Variants in ANKRD45 observed in about 807,000 individuals in gnomAD.
ANKRD45 encodes the protein ankyrin repeat domain-containing protein 45.
In ANKRD45, 21 loss-of-function variants were observed where a neutral mutation model predicts 28.1. The ratio of observed to expected loss-of-function variants is 0.75; its 90% CI spans 0.53 to 1.08. The LOEUF is 1.08. ANKRD45 is among the 50% of genes least tolerant of loss of function. The pLI, the probability that ANKRD45 is intolerant of heterozygous loss-of-function variation, is 0.00. For synonymous variants in ANKRD45, 86 were observed against 103.9 expected (o/e 0.83, Z 1.05); for missense variants, 261 against 308.7 (o/e 0.85, Z 1.16).
intron 1 of ANKRD45, among the ~76,000 whole-genome samples, chr1:173,660,580 G>A (rs564257013): frequency 1.3e-5 from 2 of 152,188 alleles, no homozygotes; most frequent in African/African-American, 4.8e-5. Flanking sequence ...CAATAATGAG[G>A]GGATGTAAAT....
the ANKRD45 span, among the ~76,000 whole-genome samples, chr1:173,676,579 C>CA: frequency 6.6e-6 from 1 of 151,932 alleles, no homozygotes; most frequent in Non-Finnish European, 1.5e-5. Flanking sequence ...CAGAAACCTG[C>CA]ATTCAAGGGC....
At chr1:173,686,423 C>T in the ANKRD45 span, among the ~76,000 whole-genome samples, 1 of 152,118 alleles carries the variant, frequency 6.6e-6, no homozygotes, top group South Asian at 2.1e-4. Context: ...ATGAGTCCAT[C>T]CCCTTCCTGC....
At chr1:173,690,061 C>T in the ANKRD45 span, among the ~76,000 whole-genome samples, 4 of 75,010 alleles carry the variant, frequency 5.3e-5, 1 homozygote, top group Non-Finnish European at 1.0e-4. Flanking sequence ...GCCTGCCCCC[C>T]GCCCCCCCCC....
At chr1:173,678,067 G>A in the ANKRD45 span, among the ~76,000 whole-genome samples, 1 of 151,966 alleles carries the variant, frequency 6.6e-6, no homozygotes, top group South Asian at 2.1e-4. Context: ...TTTAAAGGGG[G>A]AGAAAAAAAC....
the ANKRD45 span, among the ~76,000 whole-genome samples, chr1:173,678,857 G>A: frequency 3.3e-5 from 5 of 152,154 alleles, no homozygotes; most frequent in Non-Finnish European, 7.3e-5. Flanking sequence ...CTTCAGCAAA[G>A]TCTCAGGATA....
intron 3 of ANKRD45, among the ~76,000 whole-genome samples, chr1:173,637,338 AT>A (rs1248099000): frequency 1.3e-5 from 2 of 152,192 alleles, no homozygotes; most frequent in African/African-American, 4.8e-5. Flanking sequence ...TAGAAGCAAA[AT>A]TTACTCAAAG....
At chr1:173,706,397 G>C in the ANKRD45 span, among the ~76,000 whole-genome samples, 1 of 150,366 alleles carries the variant, frequency 6.7e-6, no homozygotes, top group Admixed American at 6.6e-5. Context: ...GGAGAGCAGT[G>C]GCACGATCTC....
chr1:173,707,659 C>T, the ANKRD45 span, among the ~76,000 whole-genome samples: 1 of 152,090 alleles, frequency 6.6e-6, no homozygotes, highest in Non-Finnish European at 1.5e-5. Context: ...GGAAATTCAC[C>T]CATATTTTCT....
intron 3 of ANKRD45, among the ~76,000 whole-genome samples, chr1:173,640,361 A>C (rs1480809050): frequency 1.3e-5 from 2 of 151,850 alleles, no homozygotes; most frequent in African/African-American, 4.8e-5. Flanking sequence ...ACTCGAGCCC[A>C]CCTGGGAAGG....
the ANKRD45 span, among the ~76,000 whole-genome samples, chr1:173,681,360 G>C: frequency 2.0e-5 from 3 of 152,032 alleles, no homozygotes; most frequent in Non-Finnish European, 4.4e-5. Flanking sequence ...TAATTTTAAA[G>C]CTAGCTTATT....
rs114085984 is a variant in ANKRD45 at position 173,627,792 on chromosome 1, T to C, written c.497-633A>G. 4.8e-3 allele frequency among the ~76,000 whole-genome samples: 729 copies of C among 152,072 alleles called. 5 individuals are homozygous for C. Among genetic ancestry groups the C allele is most frequent in the African/African-American group, 0.017 (694 of 41,494 alleles). ...CACATCACCTAGTGAGACACCAGCCTGAATGACCATGAGAGTGCTTGCCAC... is the reference window on the plus strand; with the variant it reads ...CACATCACCTAGTGAGACACCAGCCCGAATGACCATGAGAGTGCTTGCCAC... On this transcript the variant is annotated intron_variant, in intron 3 of 5. Coordinates refer to ENST00000333279, the MANE Select transcript of ANKRD45 (RefSeq NM_198493.3).
intron 5 of ANKRD45, among the ~76,000 whole-genome samples, chr1:173,618,574 A>T (rs1434880699): frequency 6.6e-6 from 1 of 152,208 alleles, no homozygotes; most frequent in Non-Finnish European, 1.5e-5. Context: ...AAATAGGAAG[A>T]CAAGAATACA....
chr1:173,635,845 G>A, intron 3 of ANKRD45: 2 of 1,523,056 alleles, frequency 1.3e-6, no homozygotes, highest in Non-Finnish European at 1.8e-6. Flanking sequence ...ACCAAAAAAA[G>A]GTGAATTCGT....
chr1:173,657,822 T>C (rs1235982114), intron 2 of ANKRD45: 1 of 151,720 alleles, frequency 6.6e-6, no homozygotes, highest in Non-Finnish European at 1.5e-5. Flanking sequence ...TCTTTTATTT[T>C]CTTTGGTTAC....
At chr1:173,651,291 A>G (rs934775382) in intron 2 of ANKRD45, among the ~76,000 whole-genome samples, 1 of 152,200 alleles carries the variant, frequency 6.6e-6, no homozygotes, top group East Asian at 1.9e-4. Context: ...GAAGGGATGC[A>G]GTTTCAGGTT....
chr1:173,682,048 CA>C, the ANKRD45 span, among the ~76,000 whole-genome samples: 11,462 of 88,616 alleles, frequency 0.13, 797 homozygotes, highest in African/African-American at 0.29. Flanking sequence ...GACTCTGTCT[CA>C]AAAAAAAAAA....
intron 1 of ANKRD45, among the ~76,000 whole-genome samples, chr1:173,664,663 C>T (rs545337424): frequency 7.2e-5 from 11 of 152,244 alleles, no homozygotes; most frequent in Middle Eastern, 3.4e-3. Context: ...CTATACAATA[C>T]AACTTACCAA....
the ANKRD45 span, among the ~76,000 whole-genome samples, chr1:173,686,298 T>C: frequency 6.6e-6 from 1 of 152,170 alleles, no homozygotes; most frequent in Non-Finnish European, 1.5e-5. Context: ...GAAAGAGTAA[T>C]AGGATAGATG....
At chr1:173,681,129 A>AT in the ANKRD45 span, among the ~76,000 whole-genome samples, 7 of 152,078 alleles carry the variant, frequency 4.6e-5, no homozygotes, top group Admixed American at 1.3e-4. Context: ...TTAAAGTATA[A>AT]TTTTTTTAAA....
Sources: gnomAD v4.1 joint callset for allele counts (sites outside exome capture counted in the v4.1 genomes callset) on GRCh38, gnomAD v4.1.1 for gene constraint, MANE v1.5 for transcripts, NCBI Gene and HGNC (gene_info 2026-07-23, HGNC 2026-07-21) for gene names.